Variants in CARD8 observed in about 807,000 individuals in gnomAD.
CARD8 encodes the protein caspase recruitment domain family member 8.
A neutral mutation model predicts 53.2 loss-of-function variants in CARD8; 38 were observed. The observed-to-expected ratio is 0.71, with a 90% CI of 0.55 to 0.94. The LOEUF is 0.94. Ranked by LOEUF, CARD8 falls within the 40% of genes least tolerant of loss-of-function variation. The pLI is 0.00. For missense variants in CARD8, 561 were observed against 655.5 expected, an observed-to-expected ratio of 0.86 and a Z score of 1.57; for synonymous variants, 245 against 244.9, an observed-to-expected ratio of 1.00 and a Z score of 0.00.
At chr19:48,231,913 T>C in intron 7 of CARD8, 103 bp from the exon 8 acceptor site, 2 of 1,008,066 alleles carry the variant, frequency 2.0e-6, no homozygotes, top group Middle Eastern at 2.0e-4. Flanking sequence ...GGGATACAGA[T>C]ATCGAATGAG....
chr19:48,251,145 T>C (rs2046888454), intron 1 of CARD8, among the ~76,000 whole-genome samples: 1 of 152,194 alleles, frequency 6.6e-6, no homozygotes. Flanking sequence ...TCACAGACAA[T>C]TTCTTGCTTA....
chr19:48,231,734 A>G lies in CARD8; in HGVS notation c.468T>C (p.Tyr156=). 1.2e-6 allele frequency: 2 copies of G among 1,613,828 alleles called. No homozygotes were observed. The highest frequency in any genetic ancestry group is 1.7e-6 in the Non-Finnish European group (2 of 1,179,890). Residue 156 remains tyrosine (Y), a synonymous_variant, in exon 8 of 14, where the codon TAT becomes TAC. Transcript: ENST00000651546. The part of the protein sequence containing the change: ...SKVCFEIEED[Y]KNRQFLGPEG... Reference sequence around the variant, plus strand: ...CAGGCCCCAGAAACTGACGATTTTTATAATCTTCTTCGATCTCAAAACAGA... The same window carrying G: ...CAGGCCCCAGAAACTGACGATTTTTGTAATCTTCTTCGATCTCAAAACAGA...
At chr19:48,238,751 C>G (rs2044383247) in intron 4 of CARD8, among the ~76,000 whole-genome samples, 1 of 151,772 alleles carries the variant, frequency 6.6e-6, no homozygotes, top group African/African-American at 2.4e-5. Flanking sequence ...TAGACATGCC[C>G]ATCCATAGAG....
intron 6 of CARD8, 102 bp from the exon 7 acceptor site, chr19:48,232,595 G>A (rs570837133): frequency 5.6e-5 from 55 of 975,230 alleles, no homozygotes; most frequent in Middle Eastern, 2.0e-4. Flanking sequence ...GCACTGTCCC[G>A]TAGAGTAGCC....
intron 11 of CARD8, 60 bp from the exon 12 acceptor site, chr19:48,219,072 C>T (rs2039968777): frequency 6.5e-7 from 1 of 1,535,128 alleles, no homozygotes; most frequent in African/African-American, 1.4e-5. Context: ...CGGCTCCCTA[C>T]AGTGAACTGG....
rs778980478 is a variant in CARD8 at position 48,213,440 on chromosome 19, TCTCG to T, written c.1349-1469_1349-1466del. On this transcript the variant is annotated intron_variant, in intron 13 of 13. Coordinates refer to ENST00000651546, the MANE Select transcript of CARD8 (RefSeq NM_001184900.3). ...CCCAGGCTGGAGTGCGATGGCACGATCTCGGCTTACTGCAATCTCCGCCCCTGGG... is the reference window on the plus strand; with the variant it reads ...CCCAGGCTGGAGTGCGATGGCACGATGCTTACTGCAATCTCCGCCCCTGGG... Among the ~76,000 whole-genome samples the T allele has an allele frequency of 6.7e-3, 1,015 of 152,256 alleles. 7 individuals are homozygous for T. Among genetic ancestry groups the T allele is most frequent in the Non-Finnish European group, 0.011 (753 of 68,012 alleles).
intron 4 of CARD8, 38 bp downstream of exon 4, chr19:48,240,924 A>G (rs1165901525): frequency 4.1e-6 from 6 of 1,470,138 alleles, no homozygotes; most frequent in African/African-American, 1.4e-5. Flanking sequence ...CAGAAGAATC[A>G]GCCATCAGGA....
chr19:48,225,533 C>G (rs1453708337), intron 10 of CARD8, among the ~76,000 whole-genome samples: 1 of 151,884 alleles, frequency 6.6e-6, no homozygotes, highest in African/African-American at 2.4e-5. Context: ...GACTAGAGGG[C>G]CTACTAAAGG....
intron 12 of CARD8, among the ~76,000 whole-genome samples, chr19:48,217,086 C>T (rs899471961): frequency 2.0e-5 from 3 of 151,882 alleles, no homozygotes; most frequent in Admixed American, 6.6e-5. Flanking sequence ...CGCGCTCCTA[C>T]GAGAATGTAA....
At chr19:48,233,008 A>G in intron 6 of CARD8, 2 of 355,678 alleles carry the variant, frequency 5.6e-6, no homozygotes, top group Non-Finnish European at 1.1e-5. Context: ...TGAAGCAGTA[A>G]TTCACCAATG....
At chr19:48,220,190 T>G (rs1316114643) in intron 11 of CARD8, among the ~76,000 whole-genome samples, 1 of 152,206 alleles carries the variant, frequency 6.6e-6, no homozygotes, top group African/African-American at 2.4e-5. Flanking sequence ...GTGGAGTTTA[T>G]CAAGGAAACT....
intron 1 of CARD8, among the ~76,000 whole-genome samples, chr19:48,250,452 AC>A (rs900946311): frequency 2.0e-5 from 3 of 150,724 alleles, no homozygotes; most frequent in Admixed American, 6.6e-5. Context: ...CAAGGATAAG[AC>A]CCCCCCTCTT....
intron 4 of CARD8, among the ~76,000 whole-genome samples, chr19:48,239,397 G>A (rs1286510049): frequency 6.6e-6 from 1 of 152,032 alleles, no homozygotes; most frequent in East Asian, 1.9e-4. Flanking sequence ...GAAACACTGG[G>A]TTCCCAAAGC....
At chr19:48,220,418 G>A (rs956400952) in intron 11 of CARD8, among the ~76,000 whole-genome samples, 3 of 151,766 alleles carry the variant, frequency 2.0e-5, no homozygotes, top group Non-Finnish European at 2.9e-5. Flanking sequence ...TCCAAGGTCC[G>A]CAAACAGGAA....
At chr19:48,215,487 C>A in intron 12 of CARD8, 103 bp from the exon 13 acceptor site, 2 of 780,320 alleles carry the variant, frequency 2.6e-6, no homozygotes, top group East Asian at 5.6e-5. Context: ...TTTAATTCTA[C>A]ATATGTCATA....
chr19:48,217,039 C>T (rs1033105401), intron 12 of CARD8, among the ~76,000 whole-genome samples: 1 of 152,004 alleles, frequency 6.6e-6, no homozygotes, highest in African/African-American at 2.4e-5. Flanking sequence ...GGAGCATGCA[C>T]CCTAGATCCC....
At chr19:48,250,687 G>A (rs116550931) in intron 1 of CARD8, among the ~76,000 whole-genome samples, 1 of 152,274 alleles carries the variant, frequency 6.6e-6, no homozygotes, top group African/African-American at 2.4e-5. Flanking sequence ...ACTAGGAATC[G>A]ATGTCAAAAG....
intron 4 of CARD8, among the ~76,000 whole-genome samples, chr19:48,240,212 A>G (rs6509365): frequency 0.34 from 51,859 of 152,084 alleles, 8,963 homozygotes; most frequent in East Asian, 0.5. Flanking sequence ...TGAGACATAA[A>G]CCTGGTGCTG....
chr19:48,211,986 G>A lies in CARD8; in HGVS notation c.1349-11C>T. Reference sequence around the variant, plus strand: ...TCACAAAGGCTGCACCTGGATGAAAGGGGGAGTTTCAGACTTTGAGAATCG... The same window carrying A: ...TCACAAAGGCTGCACCTGGATGAAAAGGGGAGTTTCAGACTTTGAGAATCG... On this transcript the variant is annotated splice_polypyrimidine_tract_variant and intron_variant, in intron 13 of 13. Coordinates refer to ENST00000651546, the MANE Select transcript of CARD8 (RefSeq NM_001184900.3). The A allele has an allele frequency of 6.2e-7, 1 of 1,611,154 alleles. No individual in the cohort carries two copies. The highest frequency in any genetic ancestry group is 1.1e-5 in the South Asian group (1 of 90,806).
Sources: allele counts gnomAD v4.1 joint callset (sites outside exome capture counted in the v4.1 genomes callset), GRCh38; gene constraint gnomAD v4.1.1; transcripts MANE v1.5; gene names NCBI Gene and HGNC (gene_info 2026-07-23, HGNC 2026-07-21).